The following SDC2 variants were observed in gnomAD, a reference collection of about 807,000 sequenced individuals.
The protein encoded by SDC2 is syndecan 2.
A neutral mutation model predicts 22.2 loss-of-function variants in SDC2; 13 were observed. That is an observed-to-expected ratio of 0.59 (90% CI 0.38 to 0.93). The LOEUF (loss-of-function observed/expected upper bound fraction) is 0.93. Ranked by LOEUF, SDC2 falls within the 40% of genes least tolerant of loss-of-function variation. The pLI, the probability that SDC2 is intolerant of heterozygous loss-of-function variation, is 0.00. For missense variants in SDC2, 235 were observed against 246.8 expected (o/e 0.95, Z 0.32); for synonymous variants, 94 against 92.8 (o/e 1.01, Z -0.07).
At position 96,598,056 on chromosome 8, in the gene SDC2, G is replaced by T. The variant is rs76323054; in HGVS notation, c.173-4339G>T. ...GGAGGCTGGGAAGTCAAAGATCAAG[G>T]CACAGCAGATTTGGTGTCTGGTGAG... is the stretch of plus-strand genomic sequence containing the variant. On this transcript the variant is annotated intron_variant, in intron 2 of 4. Transcript: ENST00000302190. Among the ~76,000 whole-genome samples, 14 of 152,274 alleles carry T rather than the reference G, an allele frequency of 9.2e-5. 1 individual carries two copies. The East Asian group carries it at 2.7e-3, about 29-fold the overall frequency.
chr8:96,594,441 A>C (rs1209770069), intron 2 of SDC2, among the ~76,000 whole-genome samples: 1 of 152,172 alleles, frequency 6.6e-6, no homozygotes, highest in Admixed American at 6.5e-5. Context: ...CAGCAAGTAG[A>C]AGTGTGCAAA....
chr8:96,533,679 A>G (rs1813703611), intron 1 of SDC2, among the ~76,000 whole-genome samples: 1 of 149,966 alleles, frequency 6.7e-6, no homozygotes, highest in East Asian at 1.9e-4. Flanking sequence ...GCATTTACAA[A>G]CCTTGAGCTA....
Position 96,494,124 on chromosome 8 carries a change from C to T in SDC2, c.-148C>T, listed in dbSNP as rs1016972622. The T allele has an allele frequency of 2.7e-6, 2 of 750,532 alleles. No individual in the cohort carries two copies. Among genetic ancestry groups the T allele is most frequent in the Non-Finnish European group, 2.1e-6 (1 of 484,764 alleles). The allele number at this position is 750,532 out of a possible 1,614,324, so 46.5% of individuals were successfully genotyped here. On this transcript the variant is annotated 5_prime_UTR_variant, in exon 1 of 5. Coordinates refer to ENST00000302190, the MANE Select transcript of SDC2 (RefSeq NM_002998.4). ...GAGGAGGAAGCGAGCGCCCCCGAGC[C>T]CCGAGCCCGAGTCCCCGAGCCTGAG... is the stretch of plus-strand genomic sequence containing the variant.
In SDC2 at chr8:96,586,112, A is replaced by C. The variant is rs867851231; in HGVS notation, c.61-7368A>C. On this transcript the variant is annotated intron_variant, in intron 1 of 4. Transcript: ENST00000302190. ...CAAAGACCAGAGCCATGCCTGGCTC[A>C]TTGGAGGCCTTCTTCATGAGCCCAA... is the stretch of plus-strand genomic sequence containing the variant. Among the ~76,000 whole-genome samples the C allele has an allele frequency of 3.9e-5, 6 of 152,318 alleles. No homozygotes were observed. The South Asian group carries it at 1.2e-3, about 32-fold the overall frequency.
At chr8:96,560,634 C>A (rs1269523768) in intron 1 of SDC2, among the ~76,000 whole-genome samples, 1 of 151,898 alleles carries the variant, frequency 6.6e-6, no homozygotes, top group Non-Finnish European at 1.5e-5. Context: ...TTCTGAATTT[C>A]CCTGGAGAAC....
intron 1 of SDC2, among the ~76,000 whole-genome samples, chr8:96,535,965 G>A (rs116180839): frequency 0.024 from 3,679 of 152,198 alleles, 127 homozygotes; most frequent in African/African-American, 0.071. Context: ...CAGCTCAGAG[G>A]CATGGATATA....
chr8:96,591,969 T>G (rs1052360213), intron 1 of SDC2, among the ~76,000 whole-genome samples: 20 of 152,166 alleles, frequency 1.3e-4, no homozygotes, highest in African/African-American at 4.8e-4. Context: ...CTTTGGGAAT[T>G]ACAATCTGGA....
At chr8:96,595,089 AG>A (rs1308243982) in intron 2 of SDC2, among the ~76,000 whole-genome samples, 1 of 152,202 alleles carries the variant, frequency 6.6e-6, no homozygotes, top group Non-Finnish European at 1.5e-5. Context: ...CTTAATTAAT[AG>A]TCAAGTGAGA....
intron 2 of SDC2, among the ~76,000 whole-genome samples, chr8:96,593,990 A>C: frequency 6.6e-6 from 1 of 152,194 alleles, no homozygotes; most frequent in Non-Finnish European, 1.5e-5. Flanking sequence ...TCCCTCAAAC[A>C]CTGGTTTCAT....
chr8:96,533,257 T>A (rs929937899), intron 1 of SDC2, among the ~76,000 whole-genome samples: 1 of 152,190 alleles, frequency 6.6e-6, no homozygotes, highest in African/African-American at 2.4e-5. Flanking sequence ...TTCCCACTGC[T>A]GGCTTGGGCA....
intron 1 of SDC2, among the ~76,000 whole-genome samples, chr8:96,526,342 C>T (rs926400259): frequency 1.0e-5 from 1 of 99,298 alleles, no homozygotes; most frequent in Non-Finnish European, 2.0e-5. Flanking sequence ...AAGCTGATCT[C>T]CTTAAAGCGG....
At chr8:96,605,116 C>G (rs1815055928) in intron 3 of SDC2, among the ~76,000 whole-genome samples, 2 of 152,184 alleles carry the variant, frequency 1.3e-5, no homozygotes. Context: ...AAAAGATCAA[C>G]TCTCTTAAAT....
chr8:96,501,617 A>G (rs1185022441), intron 1 of SDC2, among the ~76,000 whole-genome samples: 1 of 152,014 alleles, frequency 6.6e-6, no homozygotes, highest in Non-Finnish European at 1.5e-5. Context: ...TGAGTTAAGT[A>G]TGTATTTATG....
chr8:96,528,488 C>T (rs1813613114), intron 1 of SDC2, among the ~76,000 whole-genome samples: 1 of 152,006 alleles, frequency 6.6e-6, no homozygotes, highest in Non-Finnish European at 1.5e-5. Context: ...GTTAGATTTT[C>T]AACACTTTCT....
chr8:96,554,055 T>C (rs1233449072), intron 1 of SDC2, among the ~76,000 whole-genome samples: 1 of 152,170 alleles, frequency 6.6e-6, no homozygotes, highest in East Asian at 1.9e-4. Context: ...CCTCCCAAAG[T>C]GTTGGGGTTA....
chr8:96,499,156 T>C (rs1813121681), intron 1 of SDC2, among the ~76,000 whole-genome samples: 1 of 152,240 alleles, frequency 6.6e-6, no homozygotes, highest in Non-Finnish European at 1.5e-5. Flanking sequence ...TGGACATTGC[T>C]ACTTTTTCAG....
rs190647036 is a variant in SDC2 at position 96,513,425 on chromosome 8, C to T, written c.60+19094C>T. Among the ~76,000 whole-genome samples, 570 of 152,286 alleles carry T rather than the reference C, an allele frequency of 3.7e-3. 20 individuals carry two copies. The highest frequency in any genetic ancestry group is 0.034 in the Admixed American group (514 of 15,304). On this transcript the variant is annotated intron_variant, in intron 1 of 4. Transcript: ENST00000302190. The stretch of plus-strand genomic sequence containing the variant: ...TACCCTTCTGAGCCTTCACAGGCTG[C>T]TTTTGTTGTTTTGTGCCTTGAGATA...
intron 1 of SDC2, among the ~76,000 whole-genome samples, chr8:96,540,845 C>T (rs1307785460): frequency 6.6e-6 from 1 of 152,130 alleles, no homozygotes; most frequent in Non-Finnish European, 1.5e-5. Context: ...AGAAAAATTT[C>T]AGTTCACATA....
At chr8:96,608,608 A>T in intron 4 of SDC2, 138 bp downstream of exon 4, 2 of 706,308 alleles carry the variant, frequency 2.8e-6, no homozygotes, top group Non-Finnish European at 4.5e-6. Context: ...TTCCAGAGCG[A>T]GAAGCAAGAG....
Sources: gnomAD v4.1 joint callset for allele counts (sites outside exome capture counted in the v4.1 genomes callset) on GRCh38, gnomAD v4.1.1 for gene constraint, MANE v1.5 for transcripts, NCBI Gene and HGNC (gene_info 2026-07-23, HGNC 2026-07-21) for gene names.